Variants in ADRA1A observed in about 807,000 individuals in gnomAD.
ADRA1A encodes the protein adrenoceptor alpha 1A.
A neutral mutation model predicts 29.6 loss-of-function variants in ADRA1A; 31 were observed. That is an observed-to-expected ratio of 1.05 (90% CI 0.79 to 1.41). The LOEUF is 1.41. Among genes scored for constraint, ADRA1A ranks in the 40% most tolerant of loss-of-function variants. The pLI is 0.00. For synonymous variants in ADRA1A, 311 were observed against 254.3 expected (o/e 1.22, Z -2.12); for missense variants, 619 against 601.1 (o/e 1.03, Z -0.31).
At chr8:26,829,739 G>A (rs1160061357) in intron 2 of ADRA1A, among the ~76,000 whole-genome samples, 1 of 152,058 alleles carries the variant, frequency 6.6e-6, no homozygotes, top group African/African-American at 2.4e-5. Context: ...CAGAAAGGCT[G>A]CAATGGAATT....
intron 2 of ADRA1A, among the ~76,000 whole-genome samples, chr8:26,791,867 A>C: frequency 6.6e-6 from 1 of 152,128 alleles, no homozygotes; most frequent in East Asian, 1.9e-4. Flanking sequence ...GCATTTTCTA[A>C]ACATGTAATC....
chr8:26,756,375 C>T (rs1310932552), downstream of ADRA1A: 5 of 1,211,652 alleles, frequency 4.1e-6, no homozygotes, highest in Middle Eastern at 3.4e-4. Context: ...ATTGAAGAAA[C>T]TGGGGTGCCT....
intron 2 of ADRA1A, among the ~76,000 whole-genome samples, chr8:26,846,494 C>G (rs181976923): frequency 6.6e-6 from 1 of 152,144 alleles, no homozygotes; most frequent in African/African-American, 2.4e-5. Context: ...TTGGGCCAGG[C>G]GCAGTGGCTC....
chr8:26,849,372 G>C (rs1158138751), intron 2 of ADRA1A, among the ~76,000 whole-genome samples: 7 of 152,212 alleles, frequency 4.6e-5, no homozygotes, highest in African/African-American at 1.7e-4. Flanking sequence ...AACTTTCCCA[G>C]GCAAGGTCAG....
chr8:26,829,352 A>G (rs966916784), intron 2 of ADRA1A, among the ~76,000 whole-genome samples: 1 of 152,208 alleles, frequency 6.6e-6, no homozygotes, highest in African/African-American at 2.4e-5. Flanking sequence ...GGAACAATCA[A>G]AAAACAAGAT....
intron 2 of ADRA1A, among the ~76,000 whole-genome samples, chr8:26,804,484 G>A (rs2130501512): frequency 6.6e-6 from 1 of 152,234 alleles, no homozygotes; most frequent in Non-Finnish European, 1.5e-5. Flanking sequence ...AAGAAAAGAG[G>A]CCAAGAAGAT....
At chr8:26,819,908 A>T (rs1437384940) in intron 2 of ADRA1A, among the ~76,000 whole-genome samples, 1 of 152,218 alleles carries the variant, frequency 6.6e-6, no homozygotes, top group African/African-American at 2.4e-5. Flanking sequence ...AGTGATGGAA[A>T]AAAGATATTG....
chr8:26,812,165 C>T (rs1273341929), intron 2 of ADRA1A, among the ~76,000 whole-genome samples: 3 of 152,266 alleles, frequency 2.0e-5, no homozygotes, highest in African/African-American at 7.2e-5. Context: ...TTAGATGCAT[C>T]CAGACGTAAT....
At chr8:26,819,999 C>A (rs58184110) in intron 2 of ADRA1A, among the ~76,000 whole-genome samples, 50,303 of 151,760 alleles carry the variant, frequency 0.33, 9,525 homozygotes, top group East Asian at 0.67. Context: ...AATCTGTCAC[C>A]ACAGAAAAAA....
chr8:26,830,766 C>G (rs914496817), intron 2 of ADRA1A, among the ~76,000 whole-genome samples: 2 of 152,194 alleles, frequency 1.3e-5, no homozygotes, highest in African/African-American at 2.4e-5. Flanking sequence ...TCAAGTTCTA[C>G]CAGAGTGTCA....
chr8:26,864,068 A>G lies in ADRA1A; in HGVS notation c.883+19T>C. On this transcript the variant is annotated intron_variant, in intron 2 of 2. Coordinates refer to ENST00000380573, the MANE Select transcript of ADRA1A (RefSeq NM_000680.4). This position sits in a 1 kb window ranked among gnomAD's most constrained non-coding sequence, Gnocchi z 8.1. Reference sequence around the variant, plus strand: ...GTGAAGACCCCCAGATGCTAAAGTGAGGGGTGTTCAAGACTTACCAATGGG... The same window carrying G: ...GTGAAGACCCCCAGATGCTAAAGTGGGGGGTGTTCAAGACTTACCAATGGG... 1 of 1,600,426 alleles carries G rather than the reference A, an allele frequency of 6.2e-7. No homozygotes were observed. The highest frequency in any genetic ancestry group is 1.1e-5 in the South Asian group (1 of 88,662).
Position 26,821,771 on chromosome 8 carries a change from A to G in ADRA1A, c.883+42316T>C, listed in dbSNP as rs1412831329. ...TCCCTTCTGCCCCACCCCGATCTTC[A>G]CTCCTGGAAATCACTAATCTGTTCT... On this transcript the variant is annotated intron_variant, in intron 2 of 2. Coordinates refer to ENST00000380573, the MANE Select transcript of ADRA1A (RefSeq NM_000680.4). The surrounding 1 kb of genome is among the most constrained non-coding windows in gnomAD (Gnocchi z 5.6). Among the ~76,000 whole-genome samples, 1 of 152,032 alleles carries G rather than the reference A, an allele frequency of 6.6e-6. No individual in the cohort carries two copies. Among genetic ancestry groups the G allele is most frequent in the East Asian group, 1.9e-4 (1 of 5,194 alleles).
intron 2 of ADRA1A, among the ~76,000 whole-genome samples, chr8:26,780,810 C>T (rs974857632): frequency 6.6e-6 from 1 of 152,196 alleles, no homozygotes; most frequent in Non-Finnish European, 1.5e-5. Flanking sequence ...AGCACCAACC[C>T]TATCGTGAAC....
chr8:26,774,395 A>G (rs1806391379), intron 2 of ADRA1A, among the ~76,000 whole-genome samples: 1 of 152,236 alleles, frequency 6.6e-6, no homozygotes. Flanking sequence ...AGGGCTAGGC[A>G]TGGTGGCTCA....
At chr8:26,771,902 A>T (rs1806186380) in intron 2 of ADRA1A, 1 of 152,560 alleles carries the variant, frequency 6.6e-6, no homozygotes, top group Non-Finnish European at 1.5e-5. Flanking sequence ...GCTGGGGTAA[A>T]TGATGACGGC....
chr8:26,791,621 CCAAAGACTA>C (rs1193929877), intron 2 of ADRA1A, among the ~76,000 whole-genome samples: 1 of 152,050 alleles, frequency 6.6e-6, no homozygotes, highest in Non-Finnish European at 1.5e-5. Context: ...GACATTCTTG[CCAAAGACTA>C]CAAGGGTCTG....
intron 2 of ADRA1A, chr8:26,853,805 C>T (rs2130755459): frequency 6.6e-6 from 1 of 152,212 alleles, no homozygotes; most frequent in African/African-American, 2.4e-5. Flanking sequence ...CCTGAGAAGG[C>T]ACATTCAATG....
At chr8:26,827,508 G>T (rs777621577) in intron 2 of ADRA1A, among the ~76,000 whole-genome samples, 13 of 152,220 alleles carry the variant, frequency 8.5e-5, no homozygotes, top group African/African-American at 1.2e-4. Context: ...GGTACCAGCA[G>T]TTGCGGTGTC....
chr8:26,809,332 G>T (rs1809220260), intron 2 of ADRA1A, among the ~76,000 whole-genome samples: 2 of 151,932 alleles, frequency 1.3e-5, no homozygotes, highest in Admixed American at 6.6e-5. Context: ...AGTTTCCAAG[G>T]CCCAGCACCT....
Sources: gnomAD v4.1 joint callset for allele counts (sites outside exome capture counted in the v4.1 genomes callset) on GRCh38, gnomAD v4.1.1 for gene constraint, Gnocchi (gnomAD v3.1) non-coding constraint, MANE v1.5 for transcripts, NCBI Gene and HGNC (gene_info 2026-07-23, HGNC 2026-07-21) for gene names.